The following ANKHD1 variants were observed in gnomAD, a reference collection of about 807,000 sequenced individuals.
ANKHD1 encodes the protein ankyrin repeat and KH domain-containing protein 1.
A neutral mutation model predicts 230.5 loss-of-function variants in ANKHD1; 31 were observed. The observed-to-expected ratio is 0.13, with a 90% CI of 0.10 to 0.18. The LOEUF is 0.18. Ranked by LOEUF, ANKHD1 falls within the 10% of genes least tolerant of loss-of-function variation. ANKHD1 has a pLI of 1.00. For missense variants in ANKHD1, 2,256 were observed against 3,071.3 expected (o/e 0.73, Z 6.27); for synonymous variants, 1,074 against 1,117.6 (o/e 0.96, Z 0.78).
chr5:140,444,379 T>G (rs1774109382), intron 5 of ANKHD1, among the ~76,000 whole-genome samples: 1 of 152,200 alleles, frequency 6.6e-6, no homozygotes, highest in Non-Finnish European at 1.5e-5. Flanking sequence ...GTTCAGTAAG[T>G]TGCACCTACT....
intron 1 of ANKHD1, among the ~76,000 whole-genome samples, chr5:140,424,379 G>A (rs954614960): frequency 5.9e-5 from 9 of 152,102 alleles, no homozygotes; most frequent in African/African-American, 2.2e-4. Context: ...GAACTCCTGG[G>A]TTCAAGTCAT....
chr5:140,417,705 C>T (rs1247008783), intron 1 of ANKHD1, among the ~76,000 whole-genome samples: 1 of 152,096 alleles, frequency 6.6e-6, no homozygotes, highest in Admixed American at 6.6e-5. Flanking sequence ...CTGCCTGCGT[C>T]GGCCTCCCAG....
chr5:140,453,132 A>G (rs1479944730), intron 7 of ANKHD1, among the ~76,000 whole-genome samples: 1 of 152,344 alleles, frequency 6.6e-6, no homozygotes, highest in East Asian at 1.9e-4. Context: ...TTGAAGATCA[A>G]ATGAATGAAA....
intron 15 of ANKHD1, among the ~76,000 whole-genome samples, chr5:140,504,447 A>T (rs1010901908): frequency 2.6e-5 from 4 of 152,112 alleles, no homozygotes; most frequent in African/African-American, 9.6e-5. Flanking sequence ...ATTTTTGGAA[A>T]TTTTTTTTCC....
chr5:140,417,920 A>G (rs1380885302), intron 1 of ANKHD1, among the ~76,000 whole-genome samples: 1 of 143,966 alleles, frequency 6.9e-6, no homozygotes, highest in Non-Finnish European at 1.5e-5. Flanking sequence ...GCTCACTGCA[A>G]CCTCCGCCTC....
intron 1 of ANKHD1, among the ~76,000 whole-genome samples, chr5:140,409,405 T>G (rs936660649): frequency 3.9e-5 from 6 of 152,216 alleles, no homozygotes; most frequent in Non-Finnish European, 5.9e-5. Context: ...ACTTCCAGTT[T>G]GTTCAAAGTA....
chr5:140,519,042 G>A (rs573070552), intron 24 of ANKHD1, among the ~76,000 whole-genome samples: 1 of 152,138 alleles, frequency 6.6e-6, no homozygotes, highest in Non-Finnish European at 1.5e-5. Context: ...AAACCCCATT[G>A]TCTCAGCCCA....
chr5:140,402,134 T>TCGGCAGCAGCGGCGGCGGCGG lies in ANKHD1; in HGVS notation c.169_189dup (p.Gly57_Gly63dup). 6.5e-7 allele frequency: 1 copy of TCGGCAGCAGCGGCGGCGGCGG among 1,541,970 alleles called. No homozygotes were observed. Among genetic ancestry groups the TCGGCAGCAGCGGCGGCGGCGG allele is most frequent in the Non-Finnish European group, 8.7e-7 (1 of 1,148,474 alleles). ...GGGGAGGCCGGGCCAGCGTCGGGAG[T>TCGGCAGCAGCGGCGGCGGCGG]CGGCAGCAGCGGCGGCGGCGGCAGC... is the stretch of plus-strand genomic sequence containing the variant. On this transcript the variant is annotated inframe_insertion, in exon 1 of 34. Coordinates refer to ENST00000360839, the MANE Select transcript of ANKHD1 (RefSeq NM_017747.3).
chr5:140,442,785 ACTG>A (rs1210881164), intron 5 of ANKHD1, among the ~76,000 whole-genome samples: 1 of 152,186 alleles, frequency 6.6e-6, no homozygotes, highest in African/African-American at 2.4e-5. Flanking sequence ...CACAGAAATC[ACTG>A]CTATTACTGT....
intron 24 of ANKHD1, among the ~76,000 whole-genome samples, chr5:140,513,941 A>G (rs1197155493): frequency 6.6e-6 from 1 of 151,176 alleles, no homozygotes; most frequent in Admixed American, 6.6e-5. Flanking sequence ...GCCTGAGCCC[A>G]GGAGGCAGAG....
At chr5:140,447,142 A>T (rs527680846) in intron 6 of ANKHD1, among the ~76,000 whole-genome samples, 1 of 152,162 alleles carries the variant, frequency 6.6e-6, no homozygotes, top group East Asian at 1.9e-4. Context: ...ACCTCAAATG[A>T]TCCACCTGCC....
chr5:140,417,577 T>G (rs1185719679), intron 1 of ANKHD1, among the ~76,000 whole-genome samples: 4 of 151,816 alleles, frequency 2.6e-5, no homozygotes, highest in African/African-American at 9.7e-5. Context: ...GCCTCCTAAG[T>G]ATAGCTGGGA....
In ANKHD1 at chr5:140,507,725, C is replaced by T; in HGVS notation, c.3552-60C>T. 1 of 1,570,910 alleles carries T rather than the reference C, an allele frequency of 6.4e-7. No individual in the cohort carries two copies. The highest frequency in any genetic ancestry group is 8.7e-7 in the Non-Finnish European group (1 of 1,154,740). Reference sequence around the variant, plus strand: ...TAGTGAAACCTTTTCATCTTTAATGCTTTTCTAAAATAATAGGCAACATAT... The same window carrying T: ...TAGTGAAACCTTTTCATCTTTAATGTTTTTCTAAAATAATAGGCAACATAT... On this transcript the variant is annotated intron_variant, in intron 19 of 33. Transcript: ENST00000360839. This position sits in a 1 kb window ranked among gnomAD's most constrained non-coding sequence, Gnocchi z 4.1.
At position 140,507,864 on chromosome 5, in the gene ANKHD1, G is replaced by A. The variant is rs762480131; in HGVS notation, c.3631G>A (p.Asp1211Asn). The A allele has an allele frequency of 2.5e-6, 4 of 1,613,966 alleles. No homozygotes were observed. The highest frequency in any genetic ancestry group is 3.4e-6 in the Non-Finnish European group (4 of 1,180,020). Reference sequence around the variant, plus strand: ...TGTTCCTGCAGTAAAATTGCTGCTCGATATGGGTTCAGACATTAATGCCCA... The same window carrying A: ...TGTTCCTGCAGTAAAATTGCTGCTCAATATGGGTTCAGACATTAATGCCCA... ...GHVPAVKLLL[D>N]MGSDINAQIE... is the part of the protein sequence containing the mutation. Residue 1211 changes from aspartate to asparagine, a missense_variant, in exon 20 of 34, where the codon GAT becomes AAT. Transcript: ENST00000360839. The surrounding 1 kb of genome is among the most constrained non-coding windows in gnomAD (Gnocchi z 4.1).
chr5:140,490,235 A>G (rs1441748828), intron 14 of ANKHD1, among the ~76,000 whole-genome samples: 1 of 152,138 alleles, frequency 6.6e-6, no homozygotes, highest in Non-Finnish European at 1.5e-5. Flanking sequence ...TCCAGCGATC[A>G]TCTTTTCAGG....
chr5:140,516,462 C>T (rs537369666), intron 24 of ANKHD1, among the ~76,000 whole-genome samples: 16 of 152,024 alleles, frequency 1.1e-4, no homozygotes, highest in African/African-American at 2.9e-4. Context: ...AGATACTCCT[C>T]GAGAAGAGCG....
At chr5:140,509,926 G>A in intron 21 of ANKHD1, 93 bp from the exon 22 acceptor site, 4 of 1,542,036 alleles carry the variant, frequency 2.6e-6, no homozygotes, top group Non-Finnish European at 3.5e-6. Flanking sequence ...AAGATTATTT[G>A]CAAGTTATTT....
At chr5:140,463,409 C>A (rs1581287862) in intron 9 of ANKHD1, among the ~76,000 whole-genome samples, 1 of 152,194 alleles carries the variant, frequency 6.6e-6, no homozygotes, top group Middle Eastern at 3.4e-3. Context: ...GCCTTGGGAT[C>A]AGTCATTTTT....
At chr5:140,428,566 A>G (rs1772746056) in intron 1 of ANKHD1, among the ~76,000 whole-genome samples, 1 of 152,188 alleles carries the variant, frequency 6.6e-6, no homozygotes, top group African/African-American at 2.4e-5. Flanking sequence ...GGGAGGTTGC[A>G]GTGAGCCCAG....
Sources: allele counts gnomAD v4.1 joint callset (sites outside exome capture counted in the v4.1 genomes callset), GRCh38; gene constraint gnomAD v4.1.1; non-coding constraint Gnocchi (gnomAD v3.1); transcripts MANE v1.5; gene names NCBI Gene and HGNC (gene_info 2026-07-23, HGNC 2026-07-21).